The following MROH9 variants were observed in gnomAD, a reference collection of about 807,000 sequenced individuals.
MROH9 encodes maestro heat like repeat family member 9, also known as maestro heat-like repeat-containing protein family member 9.
MROH9 carries 92 observed loss-of-function variants against 98.2 expected under a neutral mutation model. The ratio of observed to expected loss-of-function variants is 0.94; its 90% CI spans 0.79 to 1.11. The LOEUF is 1.11. Ranked by LOEUF, MROH9 falls within the 50% of genes most tolerant of loss-of-function variation. The pLI is 0.00. For synonymous variants in MROH9, 397 were observed against 368.9 expected, an observed-to-expected ratio of 1.08 and a Z score of -0.87; for missense variants, 1,057 against 1,014.8, an observed-to-expected ratio of 1.04 and a Z score of -0.57.
At position 170,997,446 on chromosome 1, in the gene MROH9, A is replaced by T. The variant is rs77189286; in HGVS notation, c.1476-708A>T. On this transcript the variant is annotated intron_variant, in intron 14 of 21. Coordinates refer to ENST00000367759, the MANE Select transcript of MROH9 (RefSeq NM_001163629.2). Reference sequence around the variant, plus strand: ...GCAGCAACAGCATCACCTGAGAGTTAAAAATTCAGAATCTCATGGCCCACC... The same window carrying T: ...GCAGCAACAGCATCACCTGAGAGTTTAAAATTCAGAATCTCATGGCCCACC... 4.6e-3 allele frequency among the ~76,000 whole-genome samples: 697 copies of T among 152,284 alleles called. 4 individuals are homozygous for T. Among genetic ancestry groups the T allele is most frequent in the African/African-American group, 0.016 (658 of 41,560 alleles).
At chr1:170,958,077 G>A (rs966046094) in intron 3 of MROH9, among the ~76,000 whole-genome samples, 1 of 151,986 alleles carries the variant, frequency 6.6e-6, no homozygotes, top group African/African-American at 2.4e-5. Flanking sequence ...CCAAAGTGCT[G>A]GGATTACAGG....
Position 170,996,545 on chromosome 1 carries a change from C to G in MROH9, c.1376C>G (p.Ser459Cys). 6.2e-7 allele frequency: 1 copy of G among 1,613,552 alleles called. No homozygotes were observed. The highest frequency in any genetic ancestry group is 1.1e-5 in the South Asian group (1 of 91,068). Residue 459 changes from serine to cysteine, a missense_variant, in exon 14 of 22, where the codon TCT (serine) becomes TGT (cysteine). Transcript: ENST00000367759. ...QDALRVLLNC[S>C]GLQQVDITLM... ...GCCCTGAGAGTTCTGCTGAATTGTT[C>G]TGGACTGCAACAGGTGGATATTACT...
chr1:170,978,114 A>G (rs1316970985), intron 8 of MROH9, among the ~76,000 whole-genome samples: 2 of 152,136 alleles, frequency 1.3e-5, no homozygotes, highest in Non-Finnish European at 2.9e-5. Context: ...TCTACTTCCA[A>G]GAAACATGGA....
intron 7 of MROH9, among the ~76,000 whole-genome samples, chr1:170,966,766 C>G: frequency 6.6e-6 from 1 of 152,092 alleles, no homozygotes; most frequent in East Asian, 1.9e-4. Context: ...CCTGGGAAGG[C>G]AGCCTTTCTC....
intron 5 of MROH9, among the ~76,000 whole-genome samples, chr1:170,959,809 T>A (rs1387923253): frequency 6.6e-6 from 1 of 152,138 alleles, no homozygotes; most frequent in Non-Finnish European, 1.5e-5. Flanking sequence ...TAGGAGCAAA[T>A]AGGCGAAGAT....
chr1:171,034,496 C>T (rs1364097638), intron 20 of MROH9, among the ~76,000 whole-genome samples: 2 of 152,160 alleles, frequency 1.3e-5, no homozygotes, highest in Non-Finnish European at 2.9e-5. Context: ...CCCTTGCCAG[C>T]TTGCTTCCTG....
rs1336853008 is a variant in MROH9, at chr1:170,945,570, A to G, written c.14A>G (p.Asn5Ser). 8 of 1,612,054 alleles carry G rather than the reference A, an allele frequency of 5.0e-6. No homozygotes were observed. Residue 5 changes from asparagine to serine, a missense_variant, in exon 2 of 22, where the codon AAT (asparagine) becomes AGT (serine). Asn to Ser is a conservative substitution (Grantham distance 46). Coordinates refer to ENST00000367759, the MANE Select transcript of MROH9 (RefSeq NM_001163629.2). MLTRNPKTKSSLQIL... is the reference protein window; with the variant it reads MLTRSPKTKSSLQIL... ...ACCTCTGTCAGCATGTTGACAAGGA[A>G]TCCAAAAACAAGTAAGGCTTTAGGA...
chr1:170,961,612 T>C (rs1473186294), intron 5 of MROH9, among the ~76,000 whole-genome samples: 1 of 152,164 alleles, frequency 6.6e-6, no homozygotes, highest in Admixed American at 6.5e-5. Flanking sequence ...TTATAGAAAG[T>C]CACTAAAAAT....
At chr1:171,035,002 C>T (rs182317139) in intron 20 of MROH9, among the ~76,000 whole-genome samples, 240 of 152,208 alleles carry the variant, frequency 1.6e-3, no homozygotes, top group African/African-American at 5.6e-3. Context: ...AACAAAAGGA[C>T]TCCTGACACC....
At chr1:171,012,373 G>C (rs1652181593) in intron 15 of MROH9, among the ~76,000 whole-genome samples, 1 of 151,930 alleles carries the variant, frequency 6.6e-6, no homozygotes, top group South Asian at 2.1e-4. Context: ...GATGTGATCT[G>C]TCCTCCTCTC....
intron 1 of MROH9, among the ~76,000 whole-genome samples, chr1:170,938,892 G>A (rs887012791): frequency 2.0e-5 from 3 of 152,282 alleles, no homozygotes; most frequent in Admixed American, 2.0e-4. Context: ...CTCGGTAGTG[G>A]CCACAGCTAG....
intron 10 of MROH9, 86 bp downstream of exon 10, chr1:170,986,796 A>G (rs1651154264): frequency 8.0e-6 from 11 of 1,373,804 alleles, no homozygotes; most frequent in Admixed American, 2.2e-5. Context: ...ACTTCTTTTT[A>G]TATGTATTTC....
At chr1:170,942,336 G>A (rs1649150265) in intron 1 of MROH9, among the ~76,000 whole-genome samples, 2 of 149,732 alleles carry the variant, frequency 1.3e-5, no homozygotes, top group Non-Finnish European at 3.0e-5. Context: ...CTCAGGGGAG[G>A]CAATTACAGT....
intron 3 of MROH9, among the ~76,000 whole-genome samples, chr1:170,957,305 T>G (rs1649803267): frequency 6.6e-6 from 1 of 152,194 alleles, no homozygotes; most frequent in African/African-American, 2.4e-5. Flanking sequence ...ACAGTTTCAC[T>G]TCTTTACATT....
At chr1:171,057,999 G>T (rs1014710519) in intron 20 of MROH9, among the ~76,000 whole-genome samples, 1 of 152,060 alleles carries the variant, frequency 6.6e-6, no homozygotes, top group African/African-American at 2.4e-5. Context: ...ATTCTTTCAG[G>T]CAAGAGAAAC....
rs367782931 is a variant in MROH9, at chr1:170,971,602, C to T, written c.481-146C>T. Reference sequence around the variant, plus strand: ...AGATGAGGAAATTGAGAGTCAGTAACGGGGCCAGGATTTGATTACAGATAT... The same window carrying T: ...AGATGAGGAAATTGAGAGTCAGTAATGGGGCCAGGATTTGATTACAGATAT... On this transcript the variant is annotated intron_variant, in intron 7 of 21. Transcript: ENST00000367759. 5.0e-5 allele frequency: 45 copies of T among 902,618 alleles called. 1 individual carries two copies. In the Middle Eastern group the frequency reaches 8.2e-4, roughly 16 times the overall value. The allele number at this position is 902,618 out of a possible 1,614,324, so 55.9% of individuals were successfully genotyped here. A position where few individuals can be genotyped will look rare whatever the true frequency, so the allele number is the denominator to read the frequency against.
intron 15 of MROH9, among the ~76,000 whole-genome samples, chr1:171,010,299 G>A (rs561242110): frequency 2.6e-5 from 4 of 152,246 alleles, no homozygotes; most frequent in African/African-American, 9.6e-5. Flanking sequence ...GTATTCCATG[G>A]TGTATATGTG....
At chr1:170,958,429 CTTT>C (rs374865486) in intron 3 of MROH9, 29 bp from the exon 4 acceptor site, 2,951 of 983,362 alleles carry the variant, frequency 3.0e-3, no homozygotes, top group South Asian at 3.6e-3. Flanking sequence ...ATTAATTCTT[CTTT>C]TTTTTTTTTT....
intron 10 of MROH9, 130 bp from the exon 11 acceptor site, chr1:170,989,725 C>T (rs952280491): frequency 9.8e-6 from 7 of 717,220 alleles, no homozygotes; most frequent in Middle Eastern, 2.6e-4. Flanking sequence ...TCTACTAGTG[C>T]TTATCTGTAT....
Sources: gnomAD v4.1 joint callset for allele counts (sites outside exome capture counted in the v4.1 genomes callset) on GRCh38, gnomAD v4.1.1 for gene constraint, MANE v1.5 for transcripts, NCBI Gene and HGNC (gene_info 2026-07-23, HGNC 2026-07-21) for gene names.